EIF5A: variants seen among roughly 807,000 people sequenced by gnomAD.
EIF5A encodes the protein eukaryotic translation initiation factor 5A, also known as eukaryotic translation initiation factor 5A-1.
In EIF5A, 1 loss-of-function variant was observed where a neutral mutation model predicts 16.6. The observed-to-expected ratio is 0.06, with a 90% CI of 0.02 to 0.28. The LOEUF (loss-of-function observed/expected upper bound fraction) is 0.28. EIF5A is among the 10% of genes least tolerant of loss of function. The pLI is 1.00. For missense variants in EIF5A, 29 were observed against 196.1 expected (o/e 0.15, Z 5.09); for synonymous variants, 80 against 73.6 (o/e 1.09, Z -0.44).
At chr17:7,309,559 T>C (rs542128284) in intron 1 of EIF5A, 56 bp from the exon 2 acceptor site, 45 of 1,589,736 alleles carry the variant, frequency 2.8e-5, no homozygotes, top group East Asian at 6.7e-5. Flanking sequence ...ATGGGATAGA[T>C]TGGAGGTCCT....
At chr17:7,307,063 G>A (rs750128314), upstream of EIF5A, 14 of 1,603,046 alleles carry the variant, frequency 8.7e-6, no homozygotes, top group Admixed American at 3.4e-5. Context: ...GGAACTGGGG[G>A]GACTGATTCC....
At chr17:7,311,538 G>T (rs978360433) in intron 4 of EIF5A, 40 bp from the exon 5 acceptor site, 1 of 1,613,990 alleles carries the variant, frequency 6.2e-7, no homozygotes, top group Non-Finnish European at 8.5e-7. Context: ...GTTTCTTCCT[G>T]AGCTCAGACA....
chr17:7,308,401 C>CTAGT (rs2072700242), intron 1 of EIF5A: 1 of 1,255,694 alleles, frequency 8.0e-7, no homozygotes, highest in Admixed American at 2.6e-5. Flanking sequence ...GCGCGGGGAG[C>CTAGT]TAGTCCTCGC....
chr17:7,310,517 G>C (rs762179640), intron 2 of EIF5A: 55 of 1,157,356 alleles, frequency 4.8e-5, no homozygotes, highest in Non-Finnish European at 5.8e-5. Flanking sequence ...TTATTCTCTA[G>C]TGTCTGGATC....
At chr17:7,307,555 G>T (rs16942749), upstream of EIF5A, 3 of 1,008,086 alleles carry the variant, frequency 3.0e-6, no homozygotes, top group East Asian at 3.1e-4. Flanking sequence ...GGTGGAGGGC[G>T]GAGGAGATAG....
At chr17:7,309,514 G>A (rs904613366) in intron 1 of EIF5A, 101 bp from the exon 2 acceptor site, 1 of 1,478,064 alleles carries the variant, frequency 6.8e-7, no homozygotes, top group African/African-American at 1.4e-5. Flanking sequence ...GGTGGGTAAT[G>A]GAATAAAGAG....
rs1597613191 is a variant in EIF5A, at chr17:7,307,751, A to G, written c.-23A>G. 1.0e-6 allele frequency: 1 copy of G among 990,822 alleles called. No homozygotes were observed. Among genetic ancestry groups the G allele is most frequent in the Non-Finnish European group, 1.2e-6 (1 of 838,826 alleles). 61.4% of individuals were successfully genotyped at this position (990,822 alleles called of 1,614,324 possible). A position where few individuals can be genotyped will look rare whatever the true frequency, so the allele number is the denominator to read the frequency against. Reference sequence around the variant, plus strand: ...GGGGTCGAGTCAGTGCGTTCGCGCGAGGTGAGAGCGGGCAGGGCGCGTGTG... The same window carrying G: ...GGGGTCGAGTCAGTGCGTTCGCGCGGGGTGAGAGCGGGCAGGGCGCGTGTG... On this transcript the variant is annotated splice_region_variant and 5_prime_UTR_variant, in exon 1 of 6. Transcript: ENST00000336458.
chr17:7,311,812 T>TC lies in EIF5A; in HGVS notation c.*12-8dup. ...TTATCCTGTCTTACTAATTTCTCTC[T>TC]CCTACCTAGGGTGGCGGTGGTGGCA... On this transcript the variant is annotated splice_polypyrimidine_tract_variant and intron_variant, in intron 5 of 5. Transcript: ENST00000336458. 9.8e-7 allele frequency: 1 copy of TC among 1,023,658 alleles called. No homozygotes were observed. The highest frequency in any genetic ancestry group is 1.6e-5 in the African/African-American group (1 of 62,330). The allele number at this position is 1,023,658 out of a possible 1,614,324, so 63.4% of individuals were successfully genotyped here. A position where few individuals can be genotyped will look rare whatever the true frequency, so the allele number is the denominator to read the frequency against.
chr17:7,307,094 CAGAGCAA>C, upstream of EIF5A: 1 of 1,601,960 alleles, frequency 6.2e-7, no homozygotes, highest in Non-Finnish European at 8.5e-7. Context: ...GCCCACCCCA[CAGAGCAA>C]GTTTTCTGAA....
intron 2 of EIF5A, chr17:7,310,470 C>T: frequency 8.5e-7 from 1 of 1,173,510 alleles, no homozygotes; most frequent in Non-Finnish European, 1.1e-6. Context: ...TTTCCTTAAT[C>T]AGTTTTTCCA....
intron 1 of EIF5A, chr17:7,308,090 C>A: frequency 1.0e-6 from 1 of 994,984 alleles, no homozygotes; most frequent in Non-Finnish European, 1.2e-6. Context: ...CCGTTGAGGA[C>A]CCGGCTCAGC....
chr17:7,309,486 AACTTTG>A lies in EIF5A; in HGVS notation c.-21-123_-21-118del, dbSNP rs1010224094. 8 of 1,267,168 alleles carry A rather than the reference AACTTTG, an allele frequency of 6.3e-6. No homozygotes were observed. In the Admixed American group the frequency reaches 6.4e-5, roughly 10 times the overall value. The allele number at this position is 1,267,168 out of a possible 1,614,324, so 78.5% of individuals were successfully genotyped here. The stretch of plus-strand genomic sequence containing the variant: ...GCCCAGTCAGTATTTTAAGTTCAGG[AACTTTG>A]ACTTTATTTTAGGTGGGTAATGGAA... On this transcript the variant is annotated intron_variant, in intron 1 of 5. Transcript: ENST00000336458.
Position 7,308,394 on chromosome 17 carries a change from CG to C in EIF5A, c.-22+646del, listed in dbSNP as rs1281325911. On this transcript the variant is annotated intron_variant, in intron 1 of 5. Transcript: ENST00000336458. ...CGGCAGGAGCCGGCAGCCCCTAGCG[CG>C]GGGAGCTAGTCCTCGCGGGGGTTCC... is the stretch of plus-strand genomic sequence containing the variant. 9.8e-6 allele frequency: 12 copies of C among 1,230,498 alleles called. 1 individual carries two copies. In the South Asian group the frequency reaches 1.6e-4, roughly 17 times the overall value. 76.2% of individuals were successfully genotyped at this position (1,230,498 alleles called of 1,614,324 possible).
chr17:7,310,866 T>C, intron 2 of EIF5A, 152 bp from the exon 3 acceptor site: 3 of 1,422,572 alleles, frequency 2.1e-6, no homozygotes, highest in South Asian at 1.6e-5. Flanking sequence ...GAGGCTTTAC[T>C]GTTTCTTGAG....
At chr17:7,311,254 G>C (rs2072818049) in intron 3 of EIF5A, 96 bp from the exon 4 acceptor site, 2 of 1,597,388 alleles carry the variant, frequency 1.3e-6, no homozygotes. Flanking sequence ...TTTGGTATTA[G>C]TTTGCTATCA....
intron 2 of EIF5A, 195 bp from the exon 3 acceptor site, chr17:7,310,823 G>T: frequency 1.0e-6 from 1 of 985,326 alleles, no homozygotes; most frequent in Non-Finnish European, 1.2e-6. Flanking sequence ...CAATCTCAAC[G>T]GTGGTTTTTT....
intron 1 of EIF5A, 117 bp downstream of exon 1, chr17:7,307,869 C>G (rs1597613444): frequency 1.0e-5 from 10 of 982,812 alleles, no homozygotes; most frequent in Admixed American, 6.2e-5. Flanking sequence ...CGCACGGGTT[C>G]GGCCAGAGAG....
At chr17:7,310,900 C>G (rs2072805564) in intron 2 of EIF5A, 118 bp from the exon 3 acceptor site, 2 of 1,453,674 alleles carry the variant, frequency 1.4e-6, no homozygotes, top group African/African-American at 1.4e-5. Context: ...TTCCAACACT[C>G]CAGTCTTTGC....
At position 7,307,738 on chromosome 17, in the gene EIF5A, G is replaced by C; in HGVS notation, c.-36G>C. ...GCGGCGAGCGGACGGGGTCGAGTCA[G>C]TGCGTTCGCGCGAGGTGAGAGCGGG... On this transcript the variant is annotated 5_prime_UTR_variant, in exon 1 of 6. Transcript: ENST00000336458. 2 of 1,017,130 alleles carry C rather than the reference G, an allele frequency of 2.0e-6. No individual in the cohort carries two copies. The highest frequency in any genetic ancestry group is 3.4e-5 in the South Asian group (1 of 29,038). The allele number at this position is 1,017,130 out of a possible 1,614,324, so 63.0% of individuals were successfully genotyped here.
Sources: allele counts gnomAD v4.1 joint callset, GRCh38; gene constraint gnomAD v4.1.1; transcripts MANE v1.5; gene names NCBI Gene and HGNC (gene_info 2026-07-23, HGNC 2026-07-21).